Variants in NT5DC3 observed in about 807,000 individuals in gnomAD.
NT5DC3 encodes the protein 5'-nucleotidase domain-containing protein 3.
Under a neutral mutation model 67.8 loss-of-function variants are expected in NT5DC3, and 42 were observed. That is an observed-to-expected ratio of 0.62 (90% CI 0.48 to 0.80). NT5DC3 has a LOEUF of 0.80. Among genes scored for constraint, NT5DC3 ranks in the 30% least tolerant of loss-of-function variants. The pLI, the probability that NT5DC3 is intolerant of heterozygous loss-of-function variation, is 0.00. For synonymous variants in NT5DC3, 237 were observed against 255.6 expected (o/e 0.93, Z 0.69); for missense variants, 570 against 696.4 (o/e 0.82, Z 2.04).
the NT5DC3 span, among the ~76,000 whole-genome samples, chr12:103,759,450 T>C: frequency 2.0e-5 from 3 of 152,224 alleles, no homozygotes; most frequent in Non-Finnish European, 4.4e-5. Context: ...GGGCAGCCCC[T>C]ACCCCTTGGG....
chr12:103,755,373 C>T, the NT5DC3 span: 1 of 1,614,162 alleles, frequency 6.2e-7, no homozygotes, highest in Non-Finnish European at 8.5e-7. Flanking sequence ...CCTTCGCCTC[C>T]CAGAACTGTG....
Position 103,789,091 on chromosome 12 carries a change from G to A in NT5DC3, c.1020-172C>T. On this transcript the variant is annotated intron_variant, in intron 9 of 13. Transcript: ENST00000392876. ...GGCCTAATTCAATGCGTCCCAAATTGTGTGAAGCCCAGTATCCAAAGGTGT... is the reference window on the plus strand; with the variant it reads ...GGCCTAATTCAATGCGTCCCAAATTATGTGAAGCCCAGTATCCAAAGGTGT... 5.1e-6 allele frequency: 3 copies of A among 592,440 alleles called. No homozygotes were observed. The South Asian group carries it at 6.3e-5, about 12-fold the overall frequency. The allele number at this position is 592,440 out of a possible 1,614,324, so 36.7% of individuals were successfully genotyped here.
intron 11 of NT5DC3, among the ~76,000 whole-genome samples, chr12:103,786,394 G>A (rs1566101336): frequency 6.6e-6 from 1 of 152,204 alleles, no homozygotes; most frequent in Non-Finnish European, 1.5e-5. Flanking sequence ...ACATGCTGGA[G>A]GGTGGCATGT....
chr12:103,771,379 A>G (rs762854350), downstream of NT5DC3: 1 of 152,204 alleles, frequency 6.6e-6, no homozygotes, highest in African/African-American at 2.4e-5. Flanking sequence ...TTTTGTGGTT[A>G]CCTATAAAAG....
intron 4 of NT5DC3, among the ~76,000 whole-genome samples, chr12:103,801,456 C>T (rs1377136254): frequency 7.2e-6 from 1 of 139,810 alleles, no homozygotes; most frequent in East Asian, 2.2e-4. Context: ...GATCTCAGCT[C>T]ACTGCAAGCT....
At position 103,839,947 on chromosome 12, in the gene NT5DC3, CACA is replaced by C. The variant is rs1400606055; in HGVS notation, c.208+999_208+1001del. On this transcript the variant is annotated intron_variant, in intron 1 of 13. Coordinates refer to ENST00000392876, the MANE Select transcript of NT5DC3 (RefSeq NM_001031701.3). Reference sequence around the variant, plus strand: ...TCTCTCCCTATCTATGTGCCACCTCCACAACAAGAAGTAACCAATATACAAATT... The same window carrying C: ...TCTCTCCCTATCTATGTGCCACCTCCACAAGAAGTAACCAATATACAAATT... Among the ~76,000 whole-genome samples the C allele has an allele frequency of 9.2e-5, 14 of 152,322 alleles. No homozygotes were observed. The East Asian group carries it at 2.7e-3, about 29-fold the overall frequency.
At chr12:103,813,617 C>T (rs1240069157) in intron 2 of NT5DC3, among the ~76,000 whole-genome samples, 1 of 152,096 alleles carries the variant, frequency 6.6e-6, no homozygotes, top group African/African-American at 2.4e-5. Context: ...GCATCCAGAA[C>T]CAGGGAGGTG....
the NT5DC3 span, chr12:103,762,488 G>C: frequency 6.3e-7 from 1 of 1,593,088 alleles, no homozygotes; most frequent in Non-Finnish European, 8.6e-7. Flanking sequence ...CGGTGGCTGC[G>C]CCAGAGTCCT....
intron 4 of NT5DC3, among the ~76,000 whole-genome samples, chr12:103,799,805 A>AAAAAATAAAAAT (rs1555261683): frequency 1.7e-4 from 6 of 35,692 alleles, no homozygotes; most frequent in Admixed American, 5.3e-4. Flanking sequence ...TCCACATACC[A>AAAAAATAAAAAT]AAAAAAAAAA....
chr12:103,811,714 T>C (rs1593419189), intron 2 of NT5DC3, among the ~76,000 whole-genome samples: 1 of 152,166 alleles, frequency 6.6e-6, no homozygotes. Flanking sequence ...CAGTGAATAA[T>C]AATGTATCAA....
the NT5DC3 span, among the ~76,000 whole-genome samples, chr12:103,764,303 C>T: frequency 6.6e-6 from 1 of 152,250 alleles, no homozygotes; most frequent in Non-Finnish European, 1.5e-5. Flanking sequence ...CAAGATTTTA[C>T]TGCTTGTTGT....
downstream of NT5DC3, chr12:103,766,367 CACTGCCACCTGGGCCATCAACT>C (rs1232700058): frequency 6.3e-7 from 1 of 1,590,832 alleles, no homozygotes; most frequent in Non-Finnish European, 8.6e-7. Flanking sequence ...AGCCATCACT[CACTGCCACCTGGGCCATCAACT>C]GTGAATTCTC....
the NT5DC3 span, among the ~76,000 whole-genome samples, chr12:103,752,748 T>C: frequency 6.6e-6 from 1 of 152,190 alleles, no homozygotes; most frequent in Non-Finnish European, 1.5e-5. Context: ...TTTTGGGATA[T>C]AATTATGATT....
At chr12:103,769,873 G>A (rs1209987482), downstream of NT5DC3, among the ~76,000 whole-genome samples, 4 of 152,252 alleles carry the variant, frequency 2.6e-5, no homozygotes, top group Admixed American at 1.3e-4. Flanking sequence ...GAAAAGGCAT[G>A]TGAGAGGAGT....
At chr12:103,770,107 T>C (rs895717458), downstream of NT5DC3, among the ~76,000 whole-genome samples, 1 of 152,230 alleles carries the variant, frequency 6.6e-6, no homozygotes, top group African/African-American at 2.4e-5. Context: ...AAACATGGCC[T>C]ATCCTCACAC....
At chr12:103,799,046 C>G (rs4964805) in intron 4 of NT5DC3, among the ~76,000 whole-genome samples, 41,469 of 152,036 alleles carry the variant, frequency 0.27, 6,140 homozygotes, top group East Asian at 0.59. Flanking sequence ...CCTGTTCAAG[C>G]ACACCAAAGT....
chr12:103,758,009 T>G, the NT5DC3 span: 1 of 1,041,930 alleles, frequency 9.6e-7, no homozygotes, highest in Non-Finnish European at 1.4e-6. Flanking sequence ...GTCCTCAAAC[T>G]CTCCCACGGC....
At chr12:103,807,663 A>C (rs1886859665) in intron 2 of NT5DC3, among the ~76,000 whole-genome samples, 1 of 152,220 alleles carries the variant, frequency 6.6e-6, no homozygotes, top group Non-Finnish European at 1.5e-5. Context: ...ACAGTTGTGA[A>C]GGCAGCAGAT....
Position 103,829,277 on chromosome 12 carries a change from A to G in NT5DC3, c.208+11672T>C, listed in dbSNP as rs937334778. On this transcript the variant is annotated intron_variant, in intron 1 of 13. Coordinates refer to ENST00000392876, the MANE Select transcript of NT5DC3 (RefSeq NM_001031701.3). ...TGCAACTGCTCAGCTCTGACATCCT[A>G]GCACAAAAGGAGAACCAGAAACAAA... Among the ~76,000 whole-genome samples, 4 of 152,332 alleles carry G rather than the reference A, an allele frequency of 2.6e-5. No individual in the cohort carries two copies. In the South Asian group the frequency reaches 8.3e-4, roughly 32 times the overall value.
Sources: allele counts gnomAD v4.1 joint callset (sites outside exome capture counted in the v4.1 genomes callset), GRCh38; gene constraint gnomAD v4.1.1; transcripts MANE v1.5; gene names NCBI Gene and HGNC (gene_info 2026-07-23, HGNC 2026-07-21).